CARM1: variants seen among roughly 807,000 people sequenced by gnomAD.
CARM1 encodes the protein coactivator associated arginine methyltransferase 1.
CARM1 carries 14 observed loss-of-function variants against 72.7 expected under a neutral mutation model. The observed-to-expected ratio is 0.19, with a 90% confidence interval of 0.13 to 0.30. CARM1 has a LOEUF of 0.30. Among genes scored for constraint, CARM1 ranks in the 10% least tolerant of loss-of-function variants. The probability of loss-of-function intolerance (pLI) is 1.00; values close to 1 mark genes in which losing one functional copy is unlikely to be tolerated. For synonymous variants in CARM1, 333 were observed against 345.5 expected (o/e 0.96, Z 0.40); for missense variants, 432 against 833.7 (o/e 0.52, Z 5.93).
intron 1 of CARM1, 113 bp downstream of exon 1, chr19:10,872,035 G>A (rs1167988393): frequency 2.2e-6 from 2 of 907,288 alleles, no homozygotes; most frequent in East Asian, 4.4e-5. Context: ...TGGGGTCCCC[G>A]GGACTGAGCC....
chr19:10,920,956 GC>G lies in CARM1; in HGVS notation c.1537+13del, dbSNP rs1568357963. The G allele has an allele frequency of 2.7e-5, 44 of 1,613,880 alleles. No homozygotes were observed. Among genetic ancestry groups the G allele is most frequent in the Non-Finnish European group, 3.6e-5 (42 of 1,179,750 alleles). ...GGGATGGCCGTGGCAGGTGAGCAGGGCCCACCCCAATGCCCAGCCAACCCGG... is the reference window on the plus strand; with the variant it reads ...GGGATGGCCGTGGCAGGTGAGCAGGGCCACCCCAATGCCCAGCCAACCCGG... On this transcript the variant is annotated intron_variant, in intron 13 of 15. Transcript: ENST00000327064. The surrounding 1 kb of genome is among the most constrained non-coding windows in gnomAD (Gnocchi z 5.3).
At position 10,900,596 on chromosome 19, in the gene CARM1, T is replaced by C. The variant is rs74874592; in HGVS notation, c.221-4355T>C. ...GTTTGTCAGTTTATGGACATTTGGG[T>C]TGTATTTCTATCTTGTGTCTGTCGT... On this transcript the variant is annotated intron_variant, in intron 1 of 15. Coordinates refer to ENST00000327064, the MANE Select transcript of CARM1 (RefSeq NM_199141.2). Among the ~76,000 whole-genome samples the C allele has an allele frequency of 9.1e-3, 1,379 of 152,346 alleles. 25 individuals carry two copies. The highest frequency in any genetic ancestry group is 0.032 in the African/African-American group (1,320 of 41,574).
At chr19:10,890,285 G>A (rs1003917138) in intron 1 of CARM1, among the ~76,000 whole-genome samples, 1 of 105,346 alleles carries the variant, frequency 9.5e-6, no homozygotes, top group African/African-American at 3.5e-5. Flanking sequence ...TTTTTTTTTT[G>A]AGACAGAGTT....
At chr19:10,905,512 T>C (rs1568352944) in intron 2 of CARM1, among the ~76,000 whole-genome samples, 1 of 152,130 alleles carries the variant, frequency 6.6e-6, no homozygotes, top group Non-Finnish European at 1.5e-5. Context: ...GGACACAAGA[T>C]TCCTGACTAG....
intron 1 of CARM1, among the ~76,000 whole-genome samples, chr19:10,883,498 G>T (rs949838185): frequency 1.3e-5 from 2 of 152,194 alleles, no homozygotes; most frequent in Non-Finnish European, 2.9e-5. Context: ...CGCGCAGGGC[G>T]GACCCTCAGC....
At chr19:10,891,451 T>A (rs895853081) in intron 1 of CARM1, among the ~76,000 whole-genome samples, 1 of 152,088 alleles carries the variant, frequency 6.6e-6, no homozygotes, top group Admixed American at 6.5e-5. Flanking sequence ...CTGCCCCACG[T>A]CCATCACACC....
rs576234730 is a variant in CARM1, at chr19:10,907,313, GT to G, written c.347-724del. On this transcript the variant is annotated intron_variant, in intron 2 of 15. Transcript: ENST00000327064. The stretch of plus-strand genomic sequence containing the variant: ...AGCCTCCCAATGTGCTGGGATTACA[GT>G]TGAGAACCACTGTCCCCAGCCAAAT... Among the ~76,000 whole-genome samples, 145 of 152,282 alleles carry G rather than the reference GT, an allele frequency of 9.5e-4. 1 individual carries two copies. In the South Asian group the frequency reaches 0.029, roughly 30 times the overall value.
intron 1 of CARM1, among the ~76,000 whole-genome samples, chr19:10,887,771 A>C (rs562386029): frequency 1.2e-4 from 18 of 152,256 alleles, no homozygotes; most frequent in African/African-American, 3.9e-4. Context: ...TGCACTAGGC[A>C]GGGACTTCAA....
At chr19:10,917,301 C>T (rs2074205401) in intron 8 of CARM1, among the ~76,000 whole-genome samples, 1 of 151,942 alleles carries the variant, frequency 6.6e-6, no homozygotes, top group South Asian at 2.1e-4. Flanking sequence ...CACGGTGAAA[C>T]CCCATCTCTA....
intron 1 of CARM1, among the ~76,000 whole-genome samples, chr19:10,885,306 C>G (rs1001002078): frequency 2.0e-5 from 3 of 152,124 alleles, no homozygotes; most frequent in African/African-American, 4.8e-5. Context: ...TCCTTTTTGT[C>G]TGTCTCTTTA....
rs1421057553 is a variant in CARM1 at position 10,922,489 on chromosome 19, T to C, written c.*732T>C. The C allele has an allele frequency of 8.8e-6, 1 of 114,224 alleles. No homozygotes were observed. Among genetic ancestry groups the C allele is most frequent in the Non-Finnish European group, 1.7e-5 (1 of 60,168 alleles). 7.1% of individuals were successfully genotyped at this position (114,224 alleles called of 1,614,324 possible). On this transcript the variant is annotated 3_prime_UTR_variant, in exon 16 of 16. Transcript: ENST00000327064. Reference sequence around the variant, plus strand: ...CCCCCCCGCCCCCCCACTCAAGAGTTAGAGCAGGTGGCTGCAGGCCTTGGG... The same window carrying C: ...CCCCCCCGCCCCCCCACTCAAGAGTCAGAGCAGGTGGCTGCAGGCCTTGGG...
chr19:10,920,413 A>G lies in CARM1; in HGVS notation c.1197-23A>G, dbSNP rs1342000323. The G allele has an allele frequency of 1.2e-6, 2 of 1,600,064 alleles. No homozygotes were observed. The highest frequency in any genetic ancestry group is 1.7e-6 in the Non-Finnish European group (2 of 1,169,438). ...AGTGGTGGCGCCGGCCCAGTCAAGT[A>G]TGTGCCTGTCCCTGCTCCACAGAAT... is the stretch of plus-strand genomic sequence containing the variant. On this transcript the variant is annotated intron_variant, in intron 10 of 15. Coordinates refer to ENST00000327064, the MANE Select transcript of CARM1 (RefSeq NM_199141.2). This position sits in a 1 kb window ranked among gnomAD's most constrained non-coding sequence, Gnocchi z 5.3.
chr19:10,902,301 T>G (rs2074072226), intron 1 of CARM1, among the ~76,000 whole-genome samples: 1 of 147,998 alleles, frequency 6.8e-6, no homozygotes, highest in South Asian at 2.1e-4. Context: ...TTTTTTTTTT[T>G]TTTTTTTTTT....
chr19:10,913,802 C>A, intron 5 of CARM1, 75 bp from the exon 6 acceptor site: 1 of 1,460,360 alleles, frequency 6.8e-7, no homozygotes, highest in East Asian at 2.3e-5. Context: ...GGAGGCTGTC[C>A]CTTGAGAGCA....
intron 1 of CARM1, among the ~76,000 whole-genome samples, chr19:10,889,181 C>T (rs1369488366): frequency 1.3e-5 from 2 of 152,308 alleles, no homozygotes; most frequent in Non-Finnish European, 2.9e-5. Context: ...CCAAGTAGTG[C>T]TTGGGGGCAC....
chr19:10,871,935 C>A lies in CARM1; in HGVS notation c.220+13C>A. The A allele has an allele frequency of 8.5e-6, 10 of 1,182,950 alleles. No homozygotes were observed. Among genetic ancestry groups the A allele is most frequent in the Non-Finnish European group, 1.0e-5 (10 of 955,952 alleles). 73.3% of individuals were successfully genotyped at this position (1,182,950 alleles called of 1,614,324 possible). On this transcript the variant is annotated intron_variant, in intron 1 of 15. Transcript: ENST00000327064. This position sits in a 1 kb window ranked among gnomAD's most constrained non-coding sequence, Gnocchi z 5.6. ...GCCCTCTACAGCCGTGAGTACGGGG[C>A]CCCGGGGCAGGCGCAGGGCCGGGGC...
At chr19:10,883,742 G>A (rs949812988) in intron 1 of CARM1, among the ~76,000 whole-genome samples, 4 of 152,258 alleles carry the variant, frequency 2.6e-5, no homozygotes, top group African/African-American at 9.6e-5. Context: ...AATTGGCTGG[G>A]AGTGGTGGCT....
chr19:10,915,782 G>T lies in CARM1; in HGVS notation c.848-625G>T, dbSNP rs2074191158. On this transcript the variant is annotated intron_variant, in intron 6 of 15. Transcript: ENST00000327064. This position sits in a 1 kb window ranked among gnomAD's most constrained non-coding sequence, Gnocchi z 4.6. ...GGGGCCCTGATCCTCCCTGCCACTGGCCCTGACTCATGCGTCTACCCTTGA... is the reference window on the plus strand; with the variant it reads ...GGGGCCCTGATCCTCCCTGCCACTGTCCCTGACTCATGCGTCTACCCTTGA... Among the ~76,000 whole-genome samples, 1 of 152,052 alleles carries T rather than the reference G, an allele frequency of 6.6e-6. No individual in the cohort carries two copies. The highest frequency in any genetic ancestry group is 2.1e-4 in the South Asian group (1 of 4,822).
At position 10,871,700 on chromosome 19, in the gene CARM1, A is replaced by C; in HGVS notation, c.-3A>C. The C allele has an allele frequency of 1.2e-6, 1 of 819,078 alleles. No homozygotes were observed. Among genetic ancestry groups the C allele is most frequent in the Non-Finnish European group, 1.5e-6 (1 of 684,242 alleles). 50.7% of individuals were successfully genotyped at this position (819,078 alleles called of 1,614,324 possible). On this transcript the variant is annotated 5_prime_UTR_variant, in exon 1 of 16. Transcript: ENST00000327064. This position sits in a 1 kb window ranked among gnomAD's most constrained non-coding sequence, Gnocchi z 5.6. ...GGCGGCGGGGCCTGGAGCCGGATCT[A>C]AGATGGCAGCGGCGGCGGCGGCGGT...
Sources: allele counts gnomAD v4.1 joint callset (sites outside exome capture counted in the v4.1 genomes callset), GRCh38; gene constraint gnomAD v4.1.1; non-coding constraint Gnocchi (gnomAD v3.1); transcripts MANE v1.5; gene names NCBI Gene and HGNC (gene_info 2026-07-23, HGNC 2026-07-21).